The following ZNF501 variants were observed in gnomAD, a reference collection of about 807,000 sequenced individuals.
The protein encoded by ZNF501 is zinc finger protein 501.
In ZNF501, 7 loss-of-function variants were observed where a neutral mutation model predicts 5.7. The ratio of observed to expected loss-of-function variants is 1.24; its 90% CI spans 0.70 to 2.32. The LOEUF is 2.32. Among genes scored for constraint, ZNF501 ranks in the 30% most tolerant of loss-of-function variants. The probability of loss-of-function intolerance (pLI) is 0.00; values close to 1 mark genes in which losing one functional copy is unlikely to be tolerated. For synonymous variants in ZNF501, 107 were observed against 101.9 expected, an observed-to-expected ratio of 1.05 and a Z score of -0.30; for missense variants, 352 against 321.1, an observed-to-expected ratio of 1.10 and a Z score of -0.73.
rs777723050 is a variant in ZNF501 at position 44,735,281 on chromosome 3, CT to C, written c.*52del. ...TATGGGAAGATTTGTATGGAAGCAC[CT>C]TTTTTTTCTCCTAAATTCCTAGGAA... On this transcript the variant is annotated 3_prime_UTR_variant, in exon 3 of 3. Transcript: ENST00000620116. 2.7e-5 allele frequency: 40 copies of C among 1,455,562 alleles called. No individual in the cohort carries two copies. Among genetic ancestry groups the C allele is most frequent in the South Asian group, 5.6e-5 (4 of 71,114 alleles). The allele number at this position is 1,455,562 out of a possible 1,614,324, so 90.2% of individuals were successfully genotyped here. A position where few individuals can be genotyped will look rare whatever the true frequency, so the allele number is the denominator to read the frequency against.
At position 44,734,860 on chromosome 3, in the gene ZNF501, A is replaced by T; in HGVS notation, c.439A>T (p.Ile147Leu). The change falls in exon 3 of 3, where the codon ATA becomes TTA. Residue 147 changes from isoleucine to leucine, a missense_variant. Coordinates refer to ENST00000620116, the MANE Select transcript of ZNF501 (RefSeq NM_001258280.2). The stretch of plus-strand genomic sequence containing the variant: ...ATGTGGCAAAGCCTTCAGTCAGAGC[A>T]TATGCCTTACTCGTCATCAGAGAAG... ...TECGKAFSQS[I>L]CLTRHQRSHS... The T allele has an allele frequency of 6.2e-7, 1 of 1,613,922 alleles. No homozygotes were observed.
rs1252587092 is a variant in ZNF501 at position 44,734,729 on chromosome 3, A to G, written c.308A>G (p.Glu103Gly). 2.5e-6 allele frequency: 4 copies of G among 1,614,166 alleles called. No homozygotes were observed. Among genetic ancestry groups the G allele is most frequent in the Non-Finnish European group, 3.4e-6 (4 of 1,180,014 alleles). ...CAGCATCTGAGAATTCATACTGGAG[A>G]GAAACCCTATAAATGCAATGAATGT... Reference protein sequence around the residue: ...LVQHLRIHTGEKPYKCNECGK... With the variant: ...LVQHLRIHTGGKPYKCNECGK... Residue 103 changes from glutamate to glycine, a missense_variant, in exon 3 of 3, where the codon GAG becomes GGG. Transcript: ENST00000620116.
intron 2 of ZNF501, among the ~76,000 whole-genome samples, chr3:44,732,849 G>T (rs957818149): frequency 6.6e-6 from 1 of 152,090 alleles, no homozygotes; most frequent in South Asian, 2.1e-4. Context: ...TTAGAGAAGG[G>T]GTCTTGCTCT....
rs562053419 is a variant in ZNF501, at chr3:44,735,458, C to T, written c.*221C>T. On this transcript the variant is annotated 3_prime_UTR_variant, in exon 3 of 3. Transcript: ENST00000620116. ...TCTGAGCCTCAGTTTCCCCATTCCC[C>T]CCAATAGAAAAATGGGGATATTTCC... 5.0e-6 allele frequency: 2 copies of T among 397,742 alleles called. No individual in the cohort carries two copies. The highest frequency in any genetic ancestry group is 9.3e-6 in the Non-Finnish European group (2 of 214,482). 24.6% of individuals were successfully genotyped at this position (397,742 alleles called of 1,614,324 possible).
chr3:44,730,455 C>T (rs1433616441), intron 1 of ZNF501, among the ~76,000 whole-genome samples: 1 of 152,168 alleles, frequency 6.6e-6, no homozygotes, highest in Non-Finnish European at 1.5e-5. Flanking sequence ...TGAAGTTTCA[C>T]ATTTGAGCTA....
At position 44,734,393 on chromosome 3, in the gene ZNF501, G is replaced by C. The variant is rs368410318; in HGVS notation, c.-29G>C. 1 of 1,590,274 alleles carries C rather than the reference G, an allele frequency of 6.3e-7. No homozygotes were observed. The highest frequency in any genetic ancestry group is 1.1e-5 in the South Asian group (1 of 88,512). On this transcript the variant is annotated 5_prime_UTR_variant, in exon 3 of 3. Transcript: ENST00000620116. The stretch of plus-strand genomic sequence containing the variant: ...AATCACCTTTGAGGAAAAAAAACTT[G>C]TAAGTATGAATTTGGTGTTACAAGC...
chr3:44,732,724 C>T (rs552172408), intron 2 of ZNF501, among the ~76,000 whole-genome samples: 1 of 151,964 alleles, frequency 6.6e-6, no homozygotes, highest in Non-Finnish European at 1.5e-5. Context: ...TAAAGAGAAT[C>T]AAGTGATATA....
chr3:44,734,021 G>A (rs1704654664), intron 2 of ZNF501, among the ~76,000 whole-genome samples, 176 bp from the exon 3 acceptor site: 1 of 152,170 alleles, frequency 6.6e-6, no homozygotes, highest in Non-Finnish European at 1.5e-5. Flanking sequence ...ACACTTATAT[G>A]CCCAAGTCTA....
At chr3:44,731,964 A>C (rs1295261602) in intron 2 of ZNF501, 1 of 152,208 alleles carries the variant, frequency 6.6e-6, no homozygotes, top group Non-Finnish European at 1.5e-5. Flanking sequence ...TTCCTCAGAG[A>C]ATATGGAATG....
At position 44,734,486 on chromosome 3, in the gene ZNF501, C is replaced by CA; in HGVS notation, c.68dup (p.Cys24ValfsTer2). 1 of 1,614,174 alleles carries CA rather than the reference C, an allele frequency of 6.2e-7. No homozygotes were observed. Among genetic ancestry groups the CA allele is most frequent in the Non-Finnish European group, 8.5e-7 (1 of 1,180,012 alleles). On this transcript the variant is annotated frameshift_variant, in exon 3 of 3. Coordinates refer to ENST00000620116, the MANE Select transcript of ZNF501 (RefSeq NM_001258280.2). LOFTEE classifies it high-confidence loss of function. ...AGAGTTAACATGCAGAAGAAACCTTCAAAGTGTAGTGAATGTGGGAAGTTC... is the reference window on the plus strand; with the variant it reads ...AGAGTTAACATGCAGAAGAAACCTTCAAAAGTGTAGTGAATGTGGGAAGTTC...
chr3:44,737,033 C>G lies in ZNF501; in HGVS notation c.*1796C>G, dbSNP rs1427770732. ...GTTGTCCATTTTTTAAAGACTAAAC[C>G]ATCTCACAGATTGTTCTGTATCAGT... On this transcript the variant is annotated 3_prime_UTR_variant, in exon 3 of 3. Coordinates refer to ENST00000620116, the MANE Select transcript of ZNF501 (RefSeq NM_001258280.2). 1 of 166,720 alleles carries G rather than the reference C, an allele frequency of 6.0e-6. No homozygotes were observed. The highest frequency in any genetic ancestry group is 2.4e-5 in the African/African-American group (1 of 41,296). 10.3% of individuals were successfully genotyped at this position (166,720 alleles called of 1,614,324 possible). A position where few individuals can be genotyped will look rare whatever the true frequency, so the allele number is the denominator to read the frequency against.
chr3:44,732,966 G>A lies in ZNF501; in HGVS notation c.-225-1231G>A, dbSNP rs139200016. On this transcript the variant is annotated intron_variant, in intron 2 of 2. Coordinates refer to ENST00000620116, the MANE Select transcript of ZNF501 (RefSeq NM_001258280.2). ...AGCCTACTGAGTAGCTGGGACTACA[G>A]GTGCACATGACCACACCCAGCTAAT... 2.8e-3 allele frequency among the ~76,000 whole-genome samples: 421 copies of A among 152,172 alleles called. 4 individuals are homozygous for A. The highest frequency in any genetic ancestry group is 8.9e-3 in the African/African-American group (368 of 41,482).
rs550434907 is a variant in ZNF501, at chr3:44,734,186, A to C, written c.-225-11A>C. The C allele has an allele frequency of 1.6e-5, 7 of 442,406 alleles. No individual in the cohort carries two copies. Among genetic ancestry groups the C allele is most frequent in the African/African-American group, 9.7e-5 (5 of 51,662 alleles). The allele number at this position is 442,406 out of a possible 1,614,324, so 27.4% of individuals were successfully genotyped here. A position where few individuals can be genotyped will look rare whatever the true frequency, so the allele number is the denominator to read the frequency against. ...GAATTCCTAATACCTGTCACTACTTAATCTCTTCAGAGAGGCTGATCATCA... is the reference window on the plus strand; with the variant it reads ...GAATTCCTAATACCTGTCACTACTTCATCTCTTCAGAGAGGCTGATCATCA... On this transcript the variant is annotated splice_polypyrimidine_tract_variant and intron_variant, in intron 2 of 2. Transcript: ENST00000620116.
intron 2 of ZNF501, among the ~76,000 whole-genome samples, chr3:44,732,937 C>T (rs1704635783): frequency 6.6e-6 from 1 of 152,160 alleles, no homozygotes; most frequent in Admixed American, 6.5e-5. Context: ...GATTTTCCCA[C>T]CTCAGCCTAC....
chr3:44,731,948 A>G (rs1305652429), intron 2 of ZNF501: 1 of 152,240 alleles, frequency 6.6e-6, no homozygotes, highest in Non-Finnish European at 1.5e-5. Flanking sequence ...AAATGTGATT[A>G]GGTATTTCCT....
intron 2 of ZNF501, among the ~76,000 whole-genome samples, chr3:44,733,012 A>G (rs1408505606): frequency 1.3e-5 from 2 of 152,142 alleles, no homozygotes; most frequent in African/African-American, 4.8e-5. Context: ...TTGTAGAGAC[A>G]GCATCTCACT....
rs1001656802 is a variant in ZNF501, at chr3:44,729,854, A to G, written c.-472A>G. 7 of 152,286 alleles carry G rather than the reference A, an allele frequency of 4.6e-5. No homozygotes were observed. Among genetic ancestry groups the G allele is most frequent in the Non-Finnish European group, 8.8e-5 (6 of 68,076 alleles). 9.4% of individuals were successfully genotyped at this position (152,286 alleles called of 1,614,324 possible). A position where few individuals can be genotyped will look rare whatever the true frequency, so the allele number is the denominator to read the frequency against. The stretch of plus-strand genomic sequence containing the variant: ...CCTAGGGCAAACTTGCCATGAAGAA[A>G]GGAGAGGCTGTTCGAGAGCCCTAGG... On this transcript the variant is annotated 5_prime_UTR_variant, in exon 1 of 3. Coordinates refer to ENST00000620116, the MANE Select transcript of ZNF501 (RefSeq NM_001258280.2).
intron 2 of ZNF501, among the ~76,000 whole-genome samples, chr3:44,732,448 A>G (rs1230757474): frequency 2.0e-4 from 30 of 152,280 alleles, no homozygotes. Context: ...TTGTTTTTGT[A>G]TATAGCATAT....
Position 44,729,696 on chromosome 3 carries a change from C to G in ZNF501, c.-630C>G, listed in dbSNP as rs190194292. On this transcript the variant is annotated 5_prime_UTR_variant, in exon 1 of 3. Transcript: ENST00000620116. Reference sequence around the variant, plus strand: ...GTTGCAAGGTGCGAGAGGGGAGCGCCGCGGGGAGCGCCGCGGGAAGCGCAT... The same window carrying G: ...GTTGCAAGGTGCGAGAGGGGAGCGCGGCGGGGAGCGCCGCGGGAAGCGCAT... 1.4e-5 allele frequency: 2 copies of G among 147,926 alleles called. No individual in the cohort carries two copies. Among genetic ancestry groups the G allele is most frequent in the East Asian group, 1.9e-4 (1 of 5,182 alleles). 9.2% of individuals were successfully genotyped at this position (147,926 alleles called of 1,614,324 possible).
Sources: gnomAD v4.1 joint callset for allele counts (sites outside exome capture counted in the v4.1 genomes callset) on GRCh38, gnomAD v4.1.1 for gene constraint, MANE v1.5 for transcripts, NCBI Gene and HGNC (gene_info 2026-07-23, HGNC 2026-07-21) for gene names.